CA10: variants seen among roughly 807,000 people sequenced by gnomAD.
CA10 encodes the protein carbonic anhydrase-related protein 10.
A neutral mutation model predicts 44.2 loss-of-function variants in CA10; 14 were observed. That is an observed-to-expected ratio of 0.32 (90% CI 0.21 to 0.50). The LOEUF (loss-of-function observed/expected upper bound fraction) is 0.50, where lower values mean the gene tolerates loss of function less well. CA10 is among the 20% of genes least tolerant of loss of function. The pLI, the probability that CA10 is intolerant of heterozygous loss-of-function variation, is 0.99. For synonymous variants in CA10, 159 were observed against 141.6 expected, an observed-to-expected ratio of 1.12 and a Z score of -0.87; for missense variants, 350 against 409.7, an observed-to-expected ratio of 0.85 and a Z score of 1.26.
intron 1 of CA10, among the ~76,000 whole-genome samples, chr17:52,153,815 T>C (rs527679725): frequency 5.3e-5 from 8 of 152,360 alleles, no homozygotes; most frequent in Admixed American, 3.3e-4. Context: ...GCTTACTATG[T>C]GGTAGAAACT....
intron 1 of CA10, among the ~76,000 whole-genome samples, chr17:52,084,996 AT>A (rs1174106437): frequency 6.6e-6 from 1 of 152,224 alleles, no homozygotes; most frequent in Non-Finnish European, 1.5e-5. Context: ...ATCCTGAACC[AT>A]CATGCAAATG....
intron 2 of CA10, among the ~76,000 whole-genome samples, chr17:52,036,313 A>G (rs1417928759): frequency 1.3e-5 from 2 of 152,238 alleles, no homozygotes; most frequent in Non-Finnish European, 2.9e-5. Flanking sequence ...ATATAAAGTT[A>G]CAACTGTATC....
At chr17:52,044,890 G>A (rs182961454) in intron 2 of CA10, among the ~76,000 whole-genome samples, 1 of 151,222 alleles carries the variant, frequency 6.6e-6, no homozygotes, top group Admixed American at 6.6e-5. Context: ...AGATTGGAAA[G>A]TGGGTGATGG....
At chr17:51,934,106 A>T (rs1982771275) in intron 2 of CA10, among the ~76,000 whole-genome samples, 1 of 152,210 alleles carries the variant, frequency 6.6e-6, no homozygotes, top group African/African-American at 2.4e-5. Context: ...TGTGTCCCTC[A>T]TTGGCTCCAG....
chr17:51,733,197 G>A (rs930073483), intron 4 of CA10, among the ~76,000 whole-genome samples: 1 of 151,630 alleles, frequency 6.6e-6, no homozygotes, highest in African/African-American at 2.4e-5. Flanking sequence ...ATGAATTTTT[G>A]TTGAATTTTA....
At chr17:51,662,487 A>G (rs1174270702) in intron 4 of CA10, among the ~76,000 whole-genome samples, 1 of 152,252 alleles carries the variant, frequency 6.6e-6, no homozygotes, top group Non-Finnish European at 1.5e-5. Flanking sequence ...TTCTTTCTAC[A>G]GGAAAGTAAA....
intron 2 of CA10, among the ~76,000 whole-genome samples, chr17:52,026,769 C>T (rs1986314877): frequency 1.3e-5 from 2 of 152,006 alleles, no homozygotes; most frequent in South Asian, 4.2e-4. Context: ...CCCTATGATT[C>T]AATTACCTCT....
At chr17:51,804,166 G>A (rs546726757) in intron 3 of CA10, among the ~76,000 whole-genome samples, 1 of 152,238 alleles carries the variant, frequency 6.6e-6, no homozygotes, top group East Asian at 1.9e-4. Flanking sequence ...AACAATCTTT[G>A]TGCTTTCTAA....
intron 3 of CA10, among the ~76,000 whole-genome samples, chr17:51,804,077 A>C (rs922209943): frequency 1.3e-5 from 2 of 152,164 alleles, no homozygotes; most frequent in African/African-American, 4.8e-5. Flanking sequence ...GTGCATAATA[A>C]ATTATTTATT....
chr17:51,676,707 T>A (rs1003975245), intron 4 of CA10, among the ~76,000 whole-genome samples: 1 of 152,192 alleles, frequency 6.6e-6, no homozygotes, highest in African/African-American at 2.4e-5. Context: ...CAGTGAATCA[T>A]ATGCAACACT....
intron 2 of CA10, among the ~76,000 whole-genome samples, chr17:52,015,067 A>G (rs1275514983): frequency 7.2e-5 from 11 of 152,132 alleles, no homozygotes; most frequent in Admixed American, 6.6e-4. Context: ...ATAATTATGA[A>G]CACATGTATG....
intron 3 of CA10, among the ~76,000 whole-genome samples, chr17:51,836,577 C>A (rs1306164665): frequency 6.6e-6 from 1 of 152,204 alleles, no homozygotes; most frequent in African/African-American, 2.4e-5. Context: ...GAGCCCCCAC[C>A]CTTCCCCACC....
In CA10 at chr17:52,063,291, A is replaced by G. The variant is rs1987440734; in HGVS notation, c.136+9028T>C. ...GAACTTGCCTTGAGTCTCAGATGAGATTTTGGATTTGGGACTTTTGAGTAG... is the reference window on the plus strand; with the variant it reads ...GAACTTGCCTTGAGTCTCAGATGAGGTTTTGGATTTGGGACTTTTGAGTAG... On this transcript the variant is annotated intron_variant, in intron 2 of 8. Transcript: ENST00000451037. Among the ~76,000 whole-genome samples, 3 of 152,104 alleles carry G rather than the reference A, an allele frequency of 2.0e-5. No homozygotes were observed. The South Asian group carries it at 6.2e-4, about 32-fold the overall frequency.
chr17:51,898,026 C>T lies in CA10; in HGVS notation c.279+32964G>A, dbSNP rs377254781. Among the ~76,000 whole-genome samples the T allele has an allele frequency of 1.2e-3, 176 of 152,204 alleles. 3 individuals carry two copies. The South Asian group carries it at 0.034, about 29-fold the overall frequency. On this transcript the variant is annotated intron_variant, in intron 3 of 8. Coordinates refer to ENST00000451037, the MANE Select transcript of CA10 (RefSeq NM_020178.5). ...TTGTCTGCAAACAGAGATAGTTGGACTTATGCTCTTCCTATTTGGGTGTCT... is the reference window on the plus strand; with the variant it reads ...TTGTCTGCAAACAGAGATAGTTGGATTTATGCTCTTCCTATTTGGGTGTCT...
At chr17:51,879,899 C>T (rs542254638) in intron 3 of CA10, among the ~76,000 whole-genome samples, 17 of 152,208 alleles carry the variant, frequency 1.1e-4, no homozygotes, top group Non-Finnish European at 2.4e-4. Flanking sequence ...TTAATCATGT[C>T]TTCTATTTTC....
chr17:51,705,981 G>A (rs1308918325), intron 4 of CA10, among the ~76,000 whole-genome samples: 3 of 152,210 alleles, frequency 2.0e-5, no homozygotes, highest in African/African-American at 7.2e-5. Flanking sequence ...CCTGAGTGTG[G>A]TTAAAAAGCA....
intron 3 of CA10, among the ~76,000 whole-genome samples, chr17:51,914,575 A>T (rs1981919000): frequency 1.3e-5 from 2 of 152,212 alleles, no homozygotes; most frequent in Admixed American, 1.3e-4. Flanking sequence ...AACAGGCTGC[A>T]GAGATGCAAT....
chr17:51,961,849 A>C (rs1435727938), intron 2 of CA10, among the ~76,000 whole-genome samples: 1 of 152,110 alleles, frequency 6.6e-6, no homozygotes, highest in Non-Finnish European at 1.5e-5. Context: ...TCCGTGCCCA[A>C]GCAGATCTCC....
chr17:51,754,400 G>GATACAT, intron 3 of CA10, among the ~76,000 whole-genome samples: 1 of 73,102 alleles, frequency 1.4e-5, no homozygotes, highest in East Asian at 3.8e-4. Flanking sequence ...GTGTGTGTGT[G>GATACAT]ATATATATAT....
Sources: allele counts gnomAD v4.1 joint callset (sites outside exome capture counted in the v4.1 genomes callset), GRCh38; gene constraint gnomAD v4.1.1; transcripts MANE v1.5; gene names NCBI Gene and HGNC (gene_info 2026-07-23, HGNC 2026-07-21).